The following ROBO2 variants were observed in gnomAD, a reference collection of about 807,000 sequenced individuals.
ROBO2 encodes the protein roundabout guidance receptor 2.
Under a neutral mutation model 160.8 loss-of-function variants are expected in ROBO2, and 53 were observed. The ratio of observed to expected loss-of-function variants is 0.33; its 90% CI spans 0.26 to 0.41. ROBO2 has a LOEUF of 0.41. Ranked by LOEUF, ROBO2 falls within the 10% of genes least tolerant of loss-of-function variation. The pLI, the probability that ROBO2 is intolerant of heterozygous loss-of-function variation, is 1.00. For missense variants in ROBO2, 1,577 were observed against 1,722.4 expected (o/e 0.92, Z 1.49); for synonymous variants, 664 against 611.7 (o/e 1.09, Z -1.26).
In ROBO2 at chr3:76,655,458, A is replaced by AT. The variant is rs1428872972; in HGVS notation, c.110-442549dup. Among the ~76,000 whole-genome samples the AT allele has an allele frequency of 3.6e-5, 5 of 138,590 alleles. 1 individual carries two copies. Among genetic ancestry groups the AT allele is most frequent in the Non-Finnish European group, 7.9e-5 (5 of 63,634 alleles). The allele number at this position is 138,590 out of a possible 152,430, so 90.9% of individuals were successfully genotyped here. ...TTTTTCCATATATATATATATATGG[A>AT]TTTTTTTCCCTTCAGGAAAAGAAAT... On this transcript the variant is annotated intron_variant, in intron 2 of 26. Coordinates refer to the ROBO2 transcript ENST00000487694.
chr3:76,364,022 C>G (rs2075672774), intron 2 of ROBO2, among the ~76,000 whole-genome samples: 1 of 152,034 alleles, frequency 6.6e-6, no homozygotes, highest in South Asian at 2.1e-4. Flanking sequence ...TTTCCACAGA[C>G]TAAAATAAAA....
chr3:76,953,342 G>C (rs1248793957), intron 2 of ROBO2, among the ~76,000 whole-genome samples: 2 of 152,182 alleles, frequency 1.3e-5, no homozygotes, highest in African/African-American at 2.4e-5. Flanking sequence ...TATATAAAGA[G>C]CTTAGTCAAA....
At chr3:77,389,548 G>A (rs544500096) in intron 2 of ROBO2, among the ~76,000 whole-genome samples, 5 of 152,172 alleles carry the variant, frequency 3.3e-5, no homozygotes, top group African/African-American at 7.2e-5. Context: ...GTGGGTTCAA[G>A]CCAATGTTGT....
chr3:76,359,289 A>T (rs1010866288), intron 2 of ROBO2, among the ~76,000 whole-genome samples: 6 of 151,982 alleles, frequency 3.9e-5, no homozygotes, highest in African/African-American at 9.7e-5. Flanking sequence ...TTTAGCTAGA[A>T]AGGATGCTTT....
At chr3:76,828,785 T>G (rs1308955956) in intron 2 of ROBO2, among the ~76,000 whole-genome samples, 1 of 152,178 alleles carries the variant, frequency 6.6e-6, no homozygotes, top group Non-Finnish European at 1.5e-5. Context: ...GTGTTGGATC[T>G]GATCTTTGTA....
chr3:76,284,631 A>G (rs1184891202), intron 2 of ROBO2, among the ~76,000 whole-genome samples: 1 of 152,122 alleles, frequency 6.6e-6, no homozygotes, highest in African/African-American at 2.4e-5. Context: ...CTTTCTCAAA[A>G]ATATTATTTG....
chr3:77,646,301 G>A (rs956416605), exon 26 of ROBO2: 6 of 389,338 alleles, frequency 1.5e-5, no homozygotes, highest in Admixed American at 4.4e-5. Flanking sequence ...AACAAAACTC[G>A]CCCTACAGGA....
intron 2 of ROBO2, among the ~76,000 whole-genome samples, chr3:76,779,455 T>A (rs2062488824): frequency 6.6e-6 from 1 of 150,786 alleles, no homozygotes; most frequent in Non-Finnish European, 1.5e-5. Flanking sequence ...CTCAATAACT[T>A]ATTTATCTCC....
intron 2 of ROBO2, among the ~76,000 whole-genome samples, chr3:77,240,541 C>T (rs904676865): frequency 6.6e-6 from 1 of 152,154 alleles, no homozygotes; most frequent in Non-Finnish European, 1.5e-5. Flanking sequence ...CACACTGCAG[C>T]AGCGGGCTGA....
At chr3:76,564,168 T>C (rs991358105) in intron 2 of ROBO2, among the ~76,000 whole-genome samples, 2 of 152,236 alleles carry the variant, frequency 1.3e-5, no homozygotes, top group African/African-American at 4.8e-5. Context: ...ATAGTGCCTA[T>C]GCACTCCAGT....
chr3:77,352,590 T>C (rs1445134143), intron 2 of ROBO2, among the ~76,000 whole-genome samples: 1 of 152,034 alleles, frequency 6.6e-6, no homozygotes, highest in Admixed American at 6.5e-5. Flanking sequence ...TTTTTTCCAA[T>C]AGAAGAAAAC....
chr3:75,977,766 A>G (rs1299951535), intron 2 of ROBO2, among the ~76,000 whole-genome samples: 1 of 151,574 alleles, frequency 6.6e-6, no homozygotes, highest in African/African-American at 2.4e-5. Context: ...AGTGACAAAG[A>G]TAAATTGCAT....
chr3:77,508,035 A>G (rs1426089359), intron 5 of ROBO2, among the ~76,000 whole-genome samples: 1 of 151,948 alleles, frequency 6.6e-6, no homozygotes. Flanking sequence ...ATGATAAACC[A>G]AAGAAACCCT....
At chr3:77,192,056 T>C (rs75904826) in intron 2 of ROBO2, among the ~76,000 whole-genome samples, 1 of 152,158 alleles carries the variant, frequency 6.6e-6, no homozygotes, top group Non-Finnish European at 1.5e-5. Flanking sequence ...AAACTCTTTA[T>C]TGAGAAAGTA....
intron 2 of ROBO2, among the ~76,000 whole-genome samples, chr3:76,185,731 G>T (rs1701731606): frequency 6.6e-6 from 1 of 152,212 alleles, no homozygotes; most frequent in East Asian, 1.9e-4. Context: ...TAATTGTGAA[G>T]TCGGAAGGAG....
At chr3:77,324,217 T>C (rs1249269414) in intron 2 of ROBO2, among the ~76,000 whole-genome samples, 1 of 152,150 alleles carries the variant, frequency 6.6e-6, no homozygotes, top group Non-Finnish European at 1.5e-5. Context: ...GTTACTGCAG[T>C]ATGTTGATGA....
At chr3:77,222,354 GTGT>G (rs1355612270) in intron 2 of ROBO2, among the ~76,000 whole-genome samples, 5 of 152,204 alleles carry the variant, frequency 3.3e-5, no homozygotes, top group African/African-American at 1.2e-4. Flanking sequence ...GATTTGGTGT[GTGT>G]TGTTTCCCCA....
chr3:76,419,420 T>A (rs1271291701), intron 2 of ROBO2, among the ~76,000 whole-genome samples: 3 of 151,702 alleles, frequency 2.0e-5, no homozygotes, highest in Non-Finnish European at 4.4e-5. Context: ...CAAATACCAA[T>A]GGAAATGGGT....
chr3:76,184,684 T>C (rs1351584356), intron 2 of ROBO2, among the ~76,000 whole-genome samples: 1 of 151,992 alleles, frequency 6.6e-6, no homozygotes, highest in Non-Finnish European at 1.5e-5. Context: ...GACCCTGAGA[T>C]GCTTGGCTCA....
Sources: allele counts gnomAD v4.1 joint callset (sites outside exome capture counted in the v4.1 genomes callset), GRCh38; gene constraint gnomAD v4.1.1; transcripts MANE v1.5; gene names NCBI Gene and HGNC (gene_info 2026-07-23, HGNC 2026-07-21).